Variants in SYTL5 observed in about 807,000 individuals in gnomAD.
SYTL5 encodes the protein synaptotagmin-like protein 5.
A neutral mutation model predicts 55.9 loss-of-function variants in SYTL5; 34 were observed. That is an observed-to-expected ratio of 0.61 (90% CI 0.46 to 0.81). The LOEUF is 0.81. SYTL5 is among the 30% of genes least tolerant of loss of function. The probability of loss-of-function intolerance (pLI) is 0.00; values close to 1 mark genes in which losing one functional copy is unlikely to be tolerated. For synonymous variants in SYTL5, 221 were observed against 188.7 expected (o/e 1.17, Z -1.40); for missense variants, 637 against 546.7 (o/e 1.17, Z -1.65).
chrX:37,972,541 C>T, the SYTL5 span, among the ~76,000 whole-genome samples: 2 of 110,645 alleles, frequency 1.8e-5, no homozygotes, highest in African/African-American at 6.6e-5. Flanking sequence ...TCTCTGAGGC[C>T]CCATATGTTT....
intron 3 of SYTL5, among the ~76,000 whole-genome samples, chrX:38,065,478 G>A: frequency 8.9e-6 from 1 of 112,037 alleles, no homozygotes; most frequent in East Asian, 2.8e-4. Flanking sequence ...TAGATTGATA[G>A]TATTTTCTCC....
the SYTL5 span, among the ~76,000 whole-genome samples, chrX:37,958,174 A>C: frequency 9.2e-6 from 1 of 109,082 alleles, no homozygotes; most frequent in East Asian, 2.9e-4. Context: ...GTGCCACTGC[A>C]CTACAACCTG....
intron 1 of SYTL5, among the ~76,000 whole-genome samples, chrX:38,009,742 C>A (rs1211925264): frequency 9.0e-6 from 1 of 111,359 alleles, no homozygotes; most frequent in Non-Finnish European, 1.9e-5. Context: ...GCCCCAGAAT[C>A]ATTGGGGTAG....
rs200471225 is a variant in SYTL5 at position 38,096,173 on chromosome X, C to T, written c.1001C>T (p.Thr334Ile). The T allele has an allele frequency of 8.5e-6, 10 of 1,181,069 alleles. No individual in the cohort carries two copies. Among genetic ancestry groups the T allele is most frequent in the Non-Finnish European group, 1.0e-5 (9 of 874,680 alleles). ...GAGTTAGATTTGAGTGAGTCATTTA[C>T]AGAAGACTCAGAGGATACTGTAAGC... ...RSELDLSESFTEDSEDTVSIR... is the reference protein window; with the variant it reads ...RSELDLSESFIEDSEDTVSIR... Residue 334 changes from threonine (T) to isoleucine (I), a missense_variant, in exon 9 of 17, where the codon ACA (threonine) becomes ATA (isoleucine). Physicochemically the swap from Thr to Ile is moderately conservative, Grantham distance 89. Coordinates refer to ENST00000297875, the MANE Select transcript of SYTL5 (RefSeq NM_138780.3).
chrX:38,082,916 G>T (rs1352754653), intron 6 of SYTL5, among the ~76,000 whole-genome samples: 1 of 112,279 alleles, frequency 8.9e-6, no homozygotes, highest in South Asian at 3.7e-4. Context: ...GAGGTAAGTT[G>T]GACCAGGATG....
upstream of SYTL5, among the ~76,000 whole-genome samples, chrX:38,002,005 T>A (rs1410636955): frequency 9.1e-6 from 1 of 110,159 alleles, no homozygotes; most frequent in Non-Finnish European, 1.9e-5. Context: ...CCTAATGCTA[T>A]CCCTCCCCAC....
the SYTL5 span, among the ~76,000 whole-genome samples, chrX:37,956,451 C>A: frequency 8.9e-6 from 1 of 112,133 alleles, no homozygotes; most frequent in African/African-American, 3.2e-5. Context: ...GTGCCCATTT[C>A]CCCCTGCCAG....
At chrX:37,927,547 G>A in the SYTL5 span, among the ~76,000 whole-genome samples, 143 of 110,339 alleles carry the variant, frequency 1.3e-3, no homozygotes, top group Middle Eastern at 4.6e-3. Flanking sequence ...AGGTCGAGGC[G>A]GGCGGATCAC....
chrX:37,901,240 A>G, the SYTL5 span, among the ~76,000 whole-genome samples: 2 of 112,218 alleles, frequency 1.8e-5, no homozygotes, highest in African/African-American at 6.5e-5. Context: ...ACCAGACCCC[A>G]GGTGCTCTGC....
At chrX:37,916,157 C>T in the SYTL5 span, among the ~76,000 whole-genome samples, 1 of 111,808 alleles carries the variant, frequency 8.9e-6, no homozygotes, top group Non-Finnish European at 1.9e-5. Flanking sequence ...ATTCATCAGT[C>T]TTCCTTCTCC....
chrX:37,927,262 C>T, the SYTL5 span, among the ~76,000 whole-genome samples: 6 of 111,951 alleles, frequency 5.4e-5, no homozygotes, highest in Non-Finnish European at 1.1e-4. Context: ...AGCAGCAAAT[C>T]CATAATCATG....
intron 13 of SYTL5, among the ~76,000 whole-genome samples, chrX:38,118,946 C>T (rs754228635): frequency 1.3e-5 from 1 of 79,428 alleles, no homozygotes; most frequent in African/African-American, 5.9e-5. Context: ...TATATGTACG[C>T]ATATACATAT....
chrX:38,032,204 G>C (rs1173696803), intron 1 of SYTL5, among the ~76,000 whole-genome samples: 1 of 111,747 alleles, frequency 8.9e-6, no homozygotes, highest in Non-Finnish European at 1.9e-5. Flanking sequence ...AGTGTAACTT[G>C]CAGGTAAATT....
the SYTL5 span, among the ~76,000 whole-genome samples, chrX:37,980,700 G>T: frequency 9.0e-6 from 1 of 111,613 alleles, no homozygotes; most frequent in Non-Finnish European, 1.9e-5. Context: ...CTACCTTTAA[G>T]AGAAGTTCAG....
At chrX:38,028,938 T>G (rs1934867184) in intron 1 of SYTL5, among the ~76,000 whole-genome samples, 1 of 111,968 alleles carries the variant, frequency 8.9e-6, no homozygotes, top group Non-Finnish European at 1.9e-5. Flanking sequence ...TGTATGATTT[T>G]TATACCAAAT....
At chrX:38,086,579 G>T (rs1936665540) in intron 6 of SYTL5, among the ~76,000 whole-genome samples, 1 of 111,493 alleles carries the variant, frequency 9.0e-6, no homozygotes, top group Admixed American at 9.5e-5. Flanking sequence ...AAGGTTTGTT[G>T]GCACTGATTT....
the SYTL5 span, among the ~76,000 whole-genome samples, chrX:37,968,010 T>C: frequency 9.1e-6 from 1 of 109,563 alleles, no homozygotes; most frequent in East Asian, 2.9e-4. Context: ...TGTTTGGTAC[T>C]TCTTATATTT....
At chrX:38,049,664 C>T (rs1318734775) in intron 2 of SYTL5, among the ~76,000 whole-genome samples, 1 of 111,852 alleles carries the variant, frequency 8.9e-6, no homozygotes, top group Non-Finnish European at 1.9e-5. Flanking sequence ...AGTATCATGA[C>T]AAAACCTAAC....
At chrX:38,092,167 C>G (rs1936814763) in intron 7 of SYTL5, among the ~76,000 whole-genome samples, 1 of 112,073 alleles carries the variant, frequency 8.9e-6, no homozygotes, top group African/African-American at 3.2e-5. Flanking sequence ...CTTAGCATCT[C>G]TTTGTTTCAA....
Sources: gnomAD v4.1 joint callset for allele counts (sites outside exome capture counted in the v4.1 genomes callset) on GRCh38, gnomAD v4.1.1 for gene constraint, MANE v1.5 for transcripts, NCBI Gene and HGNC (gene_info 2026-07-23, HGNC 2026-07-21) for gene names.